The following PTGER2 variants were observed in gnomAD, a reference collection of about 807,000 sequenced individuals.
The protein encoded by PTGER2 is prostaglandin E receptor 2.
PTGER2 carries 22 observed loss-of-function variants against 26.2 expected under a neutral mutation model. That is an observed-to-expected ratio of 0.84 (90% CI 0.60 to 1.20). The LOEUF is 1.20. Among genes scored for constraint, PTGER2 ranks in the 50% most tolerant of loss-of-function variants. PTGER2 has a pLI of 0.00. For synonymous variants in PTGER2, 219 were observed against 208.9 expected (o/e 1.05, Z -0.42); for missense variants, 458 against 475.2 (o/e 0.96, Z 0.34).
intron 1 of PTGER2, among the ~76,000 whole-genome samples, chr14:52,317,010 C>T (rs531164879): frequency 1.3e-5 from 2 of 152,276 alleles, no homozygotes; most frequent in African/African-American, 4.8e-5. Flanking sequence ...ATGTTAGGAG[C>T]TAAATCAGCT....
intron 1 of PTGER2, among the ~76,000 whole-genome samples, chr14:52,318,719 G>A (rs921751316): frequency 7.9e-5 from 12 of 152,136 alleles, no homozygotes; most frequent in Non-Finnish European, 2.9e-5. Flanking sequence ...CTAATGTCAG[G>A]CATTGTCCCA....
intron 1 of PTGER2, among the ~76,000 whole-genome samples, chr14:52,325,465 G>A (rs1217343435): frequency 1.3e-5 from 2 of 152,212 alleles, no homozygotes; most frequent in African/African-American, 2.4e-5. Context: ...CAACTCAGCT[G>A]CAGGCCCTTT....
intron 1 of PTGER2, among the ~76,000 whole-genome samples, chr14:52,326,196 A>G (rs2033948155): frequency 6.6e-6 from 1 of 152,144 alleles, no homozygotes; most frequent in African/African-American, 2.4e-5. Flanking sequence ...TTTGGTCCAT[A>G]TGTAAAGATG....
Position 52,314,426 on chromosome 14 carries a change from G to A in PTGER2, c.-123G>A. On this transcript the variant is annotated 5_prime_UTR_variant, in exon 1 of 2. Transcript: ENST00000245457. The surrounding 1 kb of genome is among the most constrained non-coding windows in gnomAD (Gnocchi z 5.7). ...GTCGGCGCGCTGGGTGCGGGAAGGG[G>A]GCTCTGGATTTCGGTCCCTCCCCTT... The A allele has an allele frequency of 1.7e-6, 2 of 1,161,192 alleles. No homozygotes were observed. Among genetic ancestry groups the A allele is most frequent in the Non-Finnish European group, 2.2e-6 (2 of 900,892 alleles). The allele number at this position is 1,161,192 out of a possible 1,614,324, so 71.9% of individuals were successfully genotyped here. A position where few individuals can be genotyped will look rare whatever the true frequency, so the allele number is the denominator to read the frequency against.
At chr14:52,318,806 G>A (rs367741839) in intron 1 of PTGER2, among the ~76,000 whole-genome samples, 16 of 152,280 alleles carry the variant, frequency 1.1e-4, no homozygotes, top group African/African-American at 3.6e-4. Flanking sequence ...AAGTAAAACT[G>A]TAGTTTTTTT....
chr14:52,315,225 A>C lies in PTGER2; in HGVS notation c.677A>C (p.His226Pro), dbSNP rs77558975. The change falls in exon 1 of 2, where the codon CAC becomes CCC. Residue 226 changes from histidine to proline, a missense_variant. Physicochemically the swap from His to Pro is moderately conservative, Grantham distance 77 (BLOSUM62 -2). Coordinates refer to ENST00000245457, the MANE Select transcript of PTGER2 (RefSeq NM_000956.4). ...GTCATTCTCAACCTCATCCGCATGC[A>C]CCGCCGAAGCCGGAGAAGCCGCTGC... ...FSVILNLIRM[H>P]RRSRRSRCGP... 1 of 1,610,934 alleles carries C rather than the reference A, an allele frequency of 6.2e-7. No individual in the cohort carries two copies. The highest frequency in any genetic ancestry group is 8.5e-7 in the Non-Finnish European group (1 of 1,179,712).
At chr14:52,327,026 G>A (rs1308157530) in intron 1 of PTGER2, among the ~76,000 whole-genome samples, 195 bp from the exon 2 acceptor site, 1 of 152,040 alleles carries the variant, frequency 6.6e-6, no homozygotes, top group Non-Finnish European at 1.5e-5. Flanking sequence ...AGTTCAAGGG[G>A]AAAAAATACA....
chr14:52,323,290 G>GT (rs1271922737), intron 1 of PTGER2, among the ~76,000 whole-genome samples: 1 of 57,380 alleles, frequency 1.7e-5, no homozygotes, highest in Non-Finnish European at 6.3e-5. Context: ...GACTCACTCT[G>GT]TCACCCAGGC....
Position 52,314,656 on chromosome 14 carries a change from G to T in PTGER2, c.108G>T (p.Val36=), listed in dbSNP as rs756417757. The change falls in exon 1 of 2, where the codon GTG becomes GTT. Residue 36 remains valine, a synonymous_variant. Transcript: ENST00000245457. The surrounding 1 kb of genome is among the most constrained non-coding windows in gnomAD (Gnocchi z 5.7). The part of the protein sequence containing the change: ...AISSVMFSAG[V]LGNLIALALL... ...GCTCCGTCATGTTCTCGGCCGGGGTGCTGGGGAACCTCATAGCACTGGCGC... is the reference window on the plus strand; with the variant it reads ...GCTCCGTCATGTTCTCGGCCGGGGTTCTGGGGAACCTCATAGCACTGGCGC... 3 of 1,520,034 alleles carry T rather than the reference G, an allele frequency of 2.0e-6. No individual in the cohort carries two copies. The Admixed American group carries it at 6.6e-5, about 33-fold the overall frequency. The allele number at this position is 1,520,034 out of a possible 1,614,324, so 94.2% of individuals were successfully genotyped here. A position where few individuals can be genotyped will look rare whatever the true frequency, so the allele number is the denominator to read the frequency against.
Position 52,327,239 on chromosome 14 carries a change from GA to G in PTGER2, c.865del (p.Thr289ProfsTer21). 1 of 1,606,108 alleles carries G rather than the reference GA, an allele frequency of 6.2e-7. No individual in the cohort carries two copies. The highest frequency in any genetic ancestry group is 8.5e-7 in the Non-Finnish European group (1 of 1,173,632). ...LPFTIFAYMN[E>X]TSSRKEKWDL... ...CTTACAGATTTTTGCATATATGAAT[GA>G]AACCTCTTCCCGAAAGGAAAAATGG... is the stretch of plus-strand genomic sequence containing the variant. On this transcript the variant is annotated frameshift_variant, in exon 2 of 2. Coordinates refer to ENST00000245457, the MANE Select transcript of PTGER2 (RefSeq NM_000956.4). LOFTEE classifies it high-confidence loss of function.
rs1221297227 is a variant in PTGER2 at position 52,314,403 on chromosome 14, C to T, written c.-146C>T. On this transcript the variant is annotated 5_prime_UTR_variant, in exon 1 of 2. Transcript: ENST00000245457. This position sits in a 1 kb window ranked among gnomAD's most constrained non-coding sequence, Gnocchi z 5.7. ...CGGGAGACCCAGGGCAAGCCGCCGT[C>T]GGCGCGCTGGGTGCGGGAAGGGGGC... 1.1e-5 allele frequency: 11 copies of T among 1,016,832 alleles called. No homozygotes were observed. In the Admixed American group the frequency reaches 2.7e-4, roughly 25 times the overall value. The allele number at this position is 1,016,832 out of a possible 1,614,324, so 63.0% of individuals were successfully genotyped here. A position where few individuals can be genotyped will look rare whatever the true frequency, so the allele number is the denominator to read the frequency against.
At position 52,327,515 on chromosome 14, in the gene PTGER2, CT is replaced by C. The variant is rs2140041866; in HGVS notation, c.*63del. The C allele has an allele frequency of 7.3e-7, 1 of 1,367,890 alleles. No homozygotes were observed. The highest frequency in any genetic ancestry group is 1.5e-5 in the African/African-American group (1 of 68,766). 84.7% of individuals were successfully genotyped at this position (1,367,890 alleles called of 1,614,324 possible). Reference sequence around the variant, plus strand: ...CTGGAAGATCATTTTGAAATTGTTCCTTGGAGAAATGAAAACAGTGTGTAAA... The same window carrying C: ...CTGGAAGATCATTTTGAAATTGTTCCTGGAGAAATGAAAACAGTGTGTAAA... On this transcript the variant is annotated 3_prime_UTR_variant, in exon 2 of 2. Coordinates refer to ENST00000245457, the MANE Select transcript of PTGER2 (RefSeq NM_000956.4).
At position 52,327,354 on chromosome 14, in the gene PTGER2, T is replaced by C. The variant is rs2033962017; in HGVS notation, c.977T>C (p.Met326Thr). The change falls in exon 2 of 2, where the codon ATG (methionine) becomes ACG (threonine). Residue 326 changes from methionine (M) to threonine (T), a missense_variant. Physicochemically the swap from Met to Thr is moderately conservative, Grantham distance 81. Transcript: ENST00000245457. ...AILRPPVLRL[M>T]RSVLCCRISL... ...CTTAGGCCTCCTGTTCTGAGACTAA[T>C]GCGTTCAGTCCTCTGTTGTCGGATT... The C allele has an allele frequency of 6.2e-7, 1 of 1,613,482 alleles. No homozygotes were observed. Among genetic ancestry groups the C allele is most frequent in the African/African-American group, 1.3e-5 (1 of 75,050 alleles).
At chr14:52,315,925 G>C (rs919897031) in intron 1 of PTGER2, among the ~76,000 whole-genome samples, 1 of 152,180 alleles carries the variant, frequency 6.6e-6, no homozygotes, top group Non-Finnish European at 1.5e-5. Context: ...AGATGAGAAG[G>C]GTCCCTGAAG....
chr14:52,326,766 A>T (rs2033955033), intron 1 of PTGER2, among the ~76,000 whole-genome samples: 1 of 152,200 alleles, frequency 6.6e-6, no homozygotes, highest in African/African-American at 2.4e-5. Context: ...TTAAAAAGAG[A>T]CAATCTCTAA....
chr14:52,316,440 G>A (rs997886645), intron 1 of PTGER2, among the ~76,000 whole-genome samples: 25 of 152,172 alleles, frequency 1.6e-4, no homozygotes, highest in African/African-American at 6.0e-4. Context: ...TAGGAATTGG[G>A]AGTTGTGGCA....
intron 1 of PTGER2, among the ~76,000 whole-genome samples, chr14:52,316,851 G>A (rs1434717213): frequency 1.3e-5 from 2 of 152,152 alleles, no homozygotes; most frequent in Non-Finnish European, 2.9e-5. Flanking sequence ...ATTCAAAGAC[G>A]CCCTCTTATA....
chr14:52,315,443 C>T, intron 1 of PTGER2, 52 bp downstream of exon 1: 10 of 1,600,050 alleles, frequency 6.2e-6, no homozygotes, highest in Non-Finnish European at 8.5e-6. Flanking sequence ...CCTTCTCATG[C>T]TCTCCCCTGA....
At chr14:52,318,212 C>T (rs2033860220) in intron 1 of PTGER2, among the ~76,000 whole-genome samples, 1 of 152,198 alleles carries the variant, frequency 6.6e-6, no homozygotes, top group South Asian at 2.1e-4. Context: ...ATCATTTCCA[C>T]ATGTCCTAAC....
Sources: allele counts gnomAD v4.1 joint callset (sites outside exome capture counted in the v4.1 genomes callset), GRCh38; gene constraint gnomAD v4.1.1; non-coding constraint Gnocchi (gnomAD v3.1); transcripts MANE v1.5; gene names NCBI Gene and HGNC (gene_info 2026-07-23, HGNC 2026-07-21).